TENM3: variants seen among roughly 807,000 people sequenced by gnomAD.
TENM3 encodes the protein teneurin transmembrane protein 3, also known as teneurin-3.
A neutral mutation model predicts 255.1 loss-of-function variants in TENM3; 63 were observed. That is an observed-to-expected ratio of 0.25 (90% CI 0.20 to 0.30). The LOEUF (loss-of-function observed/expected upper bound fraction) is 0.30. Ranked by LOEUF, TENM3 falls within the 10% of genes least tolerant of loss-of-function variation. The probability of loss-of-function intolerance (pLI) is 1.00; values close to 1 mark genes in which losing one functional copy is unlikely to be tolerated. For synonymous variants in TENM3, 1,306 were observed against 1,322.3 expected (o/e 0.99, Z 0.27); for missense variants, 2,929 against 3,461.1 (o/e 0.85, Z 3.86).
the TENM3 span, among the ~76,000 whole-genome samples, chr4:181,669,462 A>C: frequency 6.6e-6 from 1 of 151,792 alleles, no homozygotes; most frequent in Admixed American, 6.6e-5. Context: ...TACACAATAT[A>C]CCCCCATGTC....
chr4:182,012,295 C>T, the TENM3 span, among the ~76,000 whole-genome samples: 1 of 152,222 alleles, frequency 6.6e-6, no homozygotes, highest in African/African-American at 2.4e-5. Flanking sequence ...CCTGCTTTAG[C>T]ACTTTTCCTC....
At position 182,680,010 on chromosome 4, in the gene TENM3, T is replaced by C. The variant is rs1756014980; in HGVS notation, c.1537+134T>C. On this transcript the variant is annotated intron_variant, in intron 8 of 27. Transcript: ENST00000511685. ...CCCAGGTAAAATGTGAGAATTATTT[T>C]TAAACCTTTATTTGGGAATATGTGA... 9 of 826,926 alleles carry C rather than the reference T, an allele frequency of 1.1e-5. No individual in the cohort carries two copies. In the South Asian group the frequency reaches 1.6e-4, roughly 15 times the overall value. 51.2% of individuals were successfully genotyped at this position (826,926 alleles called of 1,614,324 possible). A position where few individuals can be genotyped will look rare whatever the true frequency, so the allele number is the denominator to read the frequency against.
Position 182,629,694 on chromosome 4 carries a change from A to G in TENM3, c.988+805A>G, listed in dbSNP as rs138607173. ...AGGCTTTGTGGTTTATCCACCAAGA[A>G]CAATAGCCAGTGATGCATCCTCAGG... On this transcript the variant is annotated intron_variant, in intron 5 of 27. Transcript: ENST00000511685. 2.6e-3 allele frequency among the ~76,000 whole-genome samples: 398 copies of G among 152,282 alleles called. 2 individuals are homozygous for G. Among genetic ancestry groups the G allele is most frequent in the African/African-American group, 9.2e-3 (382 of 41,564 alleles).
chr4:181,615,745 A>G, the TENM3 span, among the ~76,000 whole-genome samples: 70 of 152,336 alleles, frequency 4.6e-4, 1 homozygote, highest in African/African-American at 1.7e-3. Flanking sequence ...TGAACAAAAT[A>G]TGTTAGTTGA....
chr4:181,506,498 C>T, the TENM3 span, among the ~76,000 whole-genome samples: 1 of 152,156 alleles, frequency 6.6e-6, no homozygotes, highest in South Asian at 2.1e-4. Flanking sequence ...TAAAGAATGC[C>T]TGAAGGAACA....
the TENM3 span, among the ~76,000 whole-genome samples, chr4:181,495,902 T>TAAAAAAAAAAAAAAAAAAAAAAAAAA: frequency 1.7e-5 from 2 of 116,880 alleles, no homozygotes; most frequent in Non-Finnish European, 3.4e-5. Context: ...AGAGACAAAT[T>TAAAAAAAAAAAAAAAAAAAAAAAAAA]AAAAAAAAAA....
At chr4:182,234,426 A>G (rs914006156) in intron 1 of TENM3, among the ~76,000 whole-genome samples, 30 of 152,196 alleles carry the variant, frequency 2.0e-4, no homozygotes, top group African/African-American at 6.8e-4. Flanking sequence ...GTTAAATGCT[A>G]CAGTTAGAAA....
intron 3 of TENM3, among the ~76,000 whole-genome samples, chr4:182,561,961 T>A (rs937943108): frequency 9.3e-5 from 14 of 150,746 alleles, no homozygotes; most frequent in African/African-American, 3.2e-4. Flanking sequence ...AACAATACTG[T>A]GTATATCCAG....
intron 1 of TENM3, among the ~76,000 whole-genome samples, chr4:182,175,312 A>ATATATATAT (rs1228001808): frequency 1.4e-4 from 11 of 79,296 alleles, no homozygotes; most frequent in African/African-American, 4.6e-4. Context: ...TAAAAAAAAA[A>ATATATATAT]AAATATATAT....
the TENM3 span, among the ~76,000 whole-genome samples, chr4:181,803,950 A>AAG: frequency 5.8e-5 from 3 of 51,566 alleles, no homozygotes; most frequent in African/African-American, 1.5e-4. Context: ...AAAAAAAAAA[A>AAG]AAAGAAAGAA....
chr4:181,548,986 G>T, the TENM3 span, among the ~76,000 whole-genome samples: 1 of 152,168 alleles, frequency 6.6e-6, no homozygotes, highest in Non-Finnish European at 1.5e-5. Context: ...TGTCAGCCTG[G>T]AAGGCATTCT....
the TENM3 span, among the ~76,000 whole-genome samples, chr4:181,481,468 G>A: frequency 2.6e-5 from 4 of 152,146 alleles, no homozygotes; most frequent in South Asian, 2.1e-4. Flanking sequence ...TTCAATAAAT[G>A]TGCTACATAG....
At chr4:182,200,771 C>T (rs765302636) in intron 1 of TENM3, among the ~76,000 whole-genome samples, 1 of 150,946 alleles carries the variant, frequency 6.6e-6, no homozygotes, top group Non-Finnish European at 1.5e-5. Context: ...TGAAATGAGC[C>T]GTTCATACAA....
the TENM3 span, among the ~76,000 whole-genome samples, chr4:181,781,955 C>A: frequency 7.9e-5 from 12 of 152,140 alleles, no homozygotes; most frequent in East Asian, 2.3e-3. Flanking sequence ...AGCCTTGCAT[C>A]CTAGGGATGA....
At chr4:182,303,582 C>A (rs970170923) in intron 1 of TENM3, among the ~76,000 whole-genome samples, 1 of 152,092 alleles carries the variant, frequency 6.6e-6, no homozygotes, top group East Asian at 1.9e-4. Flanking sequence ...TTACATCATG[C>A]GCATCTGGTT....
At chr4:182,607,374 C>A (rs974131082) in intron 4 of TENM3, among the ~76,000 whole-genome samples, 1 of 152,048 alleles carries the variant, frequency 6.6e-6, no homozygotes, top group African/African-American at 2.4e-5. Context: ...CTCTTCCCGT[C>A]GCTTAACAAA....
intron 1 of TENM3, among the ~76,000 whole-genome samples, chr4:182,308,092 G>A (rs1762238898): frequency 6.6e-6 from 1 of 152,160 alleles, no homozygotes; most frequent in South Asian, 2.1e-4. Context: ...TAACAGCATT[G>A]AAACAAATTT....
chr4:182,049,545 T>C, the TENM3 span, among the ~76,000 whole-genome samples: 2 of 152,230 alleles, frequency 1.3e-5, no homozygotes, highest in African/African-American at 4.8e-5. Context: ...AGCGGGGAAG[T>C]TCAGCGTGCA....
chr4:182,551,459 TACGTGAATTTGCATGAAGAAATA>T lies in TENM3; in HGVS notation c.512-49462_512-49440del, dbSNP rs537375708. 3.9e-5 allele frequency among the ~76,000 whole-genome samples: 6 copies of T among 152,194 alleles called. No homozygotes were observed. In the South Asian group the frequency reaches 1.2e-3, roughly 32 times the overall value. ...GTGAAGAAATAAATACATGGTCAATTACGTGAATTTGCATGAAGAAATAACTTTTCAAACTGTGATGATTAGAA... is the reference window on the plus strand; with the variant it reads ...GTGAAGAAATAAATACATGGTCAATTACTTTTCAAACTGTGATGATTAGAA... On this transcript the variant is annotated intron_variant, in intron 3 of 27. Coordinates refer to ENST00000511685, the MANE Select transcript of TENM3 (RefSeq NM_001080477.4).
Sources: allele counts gnomAD v4.1 joint callset (sites outside exome capture counted in the v4.1 genomes callset), GRCh38; gene constraint gnomAD v4.1.1; transcripts MANE v1.5; gene names NCBI Gene and HGNC (gene_info 2026-07-23, HGNC 2026-07-21).